SLC13A3: variants seen among roughly 807,000 people sequenced by gnomAD.
SLC13A3 encodes the protein Na(+)/dicarboxylate cotransporter 3.
In SLC13A3, 40 loss-of-function variants were observed where a neutral mutation model predicts 59.0. The observed-to-expected ratio is 0.68, with a 90% CI of 0.53 to 0.88. The LOEUF (loss-of-function observed/expected upper bound fraction) is 0.88, where lower values mean the gene tolerates loss of function less well. SLC13A3 is among the 40% of genes least tolerant of loss of function. The pLI, the probability that SLC13A3 is intolerant of heterozygous loss-of-function variation, is 0.00. For synonymous variants in SLC13A3, 317 were observed against 330.3 expected (o/e 0.96, Z 0.44); for missense variants, 699 against 783.2 (o/e 0.89, Z 1.28).
chr20:46,669,031 G>A (rs530357332), intron 1 of SLC13A3, among the ~76,000 whole-genome samples: 1 of 152,172 alleles, frequency 6.6e-6, no homozygotes, highest in East Asian at 1.9e-4. Context: ...GACAGATAAG[G>A]AAACTGAGAC....
intron 1 of SLC13A3, among the ~76,000 whole-genome samples, chr20:46,639,373 T>C (rs989507862): frequency 6.6e-6 from 1 of 152,002 alleles, no homozygotes; most frequent in African/African-American, 2.4e-5. Context: ...GAGGCAGAAT[T>C]GCTTAAACCT....
intron 1 of SLC13A3, among the ~76,000 whole-genome samples, chr20:46,675,291 G>A (rs973866887): frequency 1.9e-4 from 29 of 151,862 alleles, no homozygotes; most frequent in African/African-American, 5.8e-4. Flanking sequence ...GTGCAGTGGC[G>A]CAATCTCATC....
At chr20:46,654,238 C>T (rs901041136), upstream of SLC13A3, among the ~76,000 whole-genome samples, 8 of 152,076 alleles carry the variant, frequency 5.3e-5, no homozygotes, top group South Asian at 2.1e-4. Flanking sequence ...TGGCCATCTG[C>T]GTATCTTGTT....
chr20:46,617,570 A>T (rs2062569807), intron 1 of SLC13A3, among the ~76,000 whole-genome samples: 1 of 151,112 alleles, frequency 6.6e-6, no homozygotes, highest in Non-Finnish European at 1.5e-5. Flanking sequence ...ATGTTGAACA[A>T]TTGGCTCTCT....
intron 1 of SLC13A3, among the ~76,000 whole-genome samples, chr20:46,643,589 C>T (rs1319014110): frequency 6.6e-6 from 1 of 152,080 alleles, no homozygotes; most frequent in African/African-American, 2.4e-5. Context: ...GAAACGGGGA[C>T]CAGAACTCCT....
chr20:46,574,828 T>C (rs1457075913), intron 10 of SLC13A3, among the ~76,000 whole-genome samples: 20 of 59,720 alleles, frequency 3.3e-4, no homozygotes, highest in African/African-American at 9.3e-4. Flanking sequence ...AAAGCATGTT[T>C]TTTTCTTTTT....
chr20:46,676,997 C>T (rs1216871334), intron 1 of SLC13A3, among the ~76,000 whole-genome samples: 8 of 152,110 alleles, frequency 5.3e-5, no homozygotes, highest in Admixed American at 2.0e-4. Flanking sequence ...CACTGCAACC[C>T]CCATCTCCTG....
intron 1 of SLC13A3, among the ~76,000 whole-genome samples, chr20:46,659,737 A>G (rs1162019128): frequency 6.8e-6 from 1 of 148,032 alleles, no homozygotes; most frequent in East Asian, 2.1e-4. Context: ...AAAAAAAAGA[A>G]AAAACAAAGA....
At chr20:46,679,907 C>CAAA (rs60329236) in intron 1 of SLC13A3, among the ~76,000 whole-genome samples, 1 of 100,718 alleles carries the variant, frequency 9.9e-6, no homozygotes. Flanking sequence ...GACTCTGTCT[C>CAAA]AAAAAAAAAA....
At chr20:46,651,542 C>T, upstream of SLC13A3, 1 of 1,317,390 alleles carries the variant, frequency 7.6e-7, no homozygotes, top group African/African-American at 1.5e-5. Flanking sequence ...CCTCTCCCTG[C>T]TCCTCCTGGA....
At position 46,563,611 on chromosome 20, in the gene SLC13A3, AGAGG is replaced by A. The variant is rs904023032; in HGVS notation, c.1495-64_1495-61del. The A allele has an allele frequency of 2.4e-5, 32 of 1,328,650 alleles. No individual in the cohort carries two copies. In the Admixed American group the frequency reaches 3.2e-4, roughly 13 times the overall value. 82.3% of individuals were successfully genotyped at this position (1,328,650 alleles called of 1,614,324 possible). On this transcript the variant is annotated intron_variant, in intron 11 of 12. Transcript: ENST00000279027. ...AGACCAACGCAGAGCGACCACAGCA[AGAGG>A]GAGAGAGAGAGAGAGAGGCAGTTGG...
intron 1 of SLC13A3, among the ~76,000 whole-genome samples, chr20:46,663,108 G>A (rs1295173073): frequency 6.6e-6 from 1 of 152,050 alleles, no homozygotes; most frequent in Non-Finnish European, 1.5e-5. Context: ...GCAACATAGT[G>A]AGATATCATC....
At chr20:46,682,783 G>C (rs60139013) in intron 1 of SLC13A3, among the ~76,000 whole-genome samples, 6 of 152,144 alleles carry the variant, frequency 3.9e-5, no homozygotes, top group African/African-American at 7.2e-5. Flanking sequence ...ATAAAATGGA[G>C]ATTATAATCC....
chr20:46,664,090 A>T (rs1329304905), intron 1 of SLC13A3, among the ~76,000 whole-genome samples: 1 of 152,204 alleles, frequency 6.6e-6, no homozygotes, highest in East Asian at 1.9e-4. Flanking sequence ...GAATCACCTG[A>T]GGAGCATTAA....
intron 1 of SLC13A3, among the ~76,000 whole-genome samples, chr20:46,637,997 G>A (rs1315646234): frequency 3.9e-5 from 6 of 152,292 alleles, no homozygotes; most frequent in Admixed American, 1.3e-4. Flanking sequence ...AGCAGGAAGC[G>A]GTTGATGTCT....
At chr20:46,576,306 A>C (rs2062076190) in intron 9 of SLC13A3, among the ~76,000 whole-genome samples, 1 of 152,128 alleles carries the variant, frequency 6.6e-6, no homozygotes, top group Non-Finnish European at 1.5e-5. Context: ...GTTGTAAATA[A>C]AACTCTATTT....
Position 46,651,394 on chromosome 20 carries a change from T to C in SLC13A3, c.28A>G (p.Lys10Glu). ...AGCAGCCGCCGCGCGCTCCACACCT[T>C]CTTGGCCGCTGCTGCCAGCGCCGCC... Reference protein sequence around the residue: MAALAAAAKKVWSARRLLVL... With the variant: MAALAAAAKEVWSARRLLVL... The change falls in exon 1 of 13, where the codon AAG becomes GAG. Residue 10 changes from lysine (K) to glutamate (E), a missense_variant. By Grantham distance (56) the Lys-to-Glu change is moderately conservative. Coordinates refer to ENST00000279027, the MANE Select transcript of SLC13A3 (RefSeq NM_022829.6). The C allele has an allele frequency of 6.7e-7, 1 of 1,499,040 alleles. No homozygotes were observed. Among genetic ancestry groups the C allele is most frequent in the Non-Finnish European group, 8.9e-7 (1 of 1,128,728 alleles). 92.9% of individuals were successfully genotyped at this position (1,499,040 alleles called of 1,614,324 possible).
chr20:46,582,657 A>G, intron 9 of SLC13A3: 1 of 985,016 alleles, frequency 1.0e-6, no homozygotes, highest in Non-Finnish European at 1.2e-6. Flanking sequence ...CAAAATCCTC[A>G]TCTTCCTACA....
chr20:46,611,630 T>G (rs999478195), intron 2 of SLC13A3, among the ~76,000 whole-genome samples: 1 of 152,116 alleles, frequency 6.6e-6, no homozygotes, highest in Admixed American at 6.5e-5. Context: ...TCACCCAAAT[T>G]ACTCTCAAAT....
Sources: gnomAD v4.1 joint callset for allele counts (sites outside exome capture counted in the v4.1 genomes callset) on GRCh38, gnomAD v4.1.1 for gene constraint, MANE v1.5 for transcripts, NCBI Gene and HGNC (gene_info 2026-07-23, HGNC 2026-07-21) for gene names.